The following SNAP91 variants were observed in gnomAD, a reference collection of about 807,000 sequenced individuals.
SNAP91 encodes clathrin coat assembly protein AP180.
In SNAP91, 27 loss-of-function variants were observed where a neutral mutation model predicts 100.3. That is an observed-to-expected ratio of 0.27 (90% CI 0.20 to 0.37). The LOEUF is 0.37. Ranked by LOEUF, SNAP91 falls within the 10% of genes least tolerant of loss-of-function variation. The pLI is 1.00. For missense variants in SNAP91, 986 were observed against 1,123.7 expected, an observed-to-expected ratio of 0.88 and a Z score of 1.75; for synonymous variants, 404 against 398.6, an observed-to-expected ratio of 1.01 and a Z score of -0.16.
chr6:83,592,433 TTGA>T lies in SNAP91; in HGVS notation c.1930+19_1930+21del, dbSNP rs767385041. The T allele has an allele frequency of 3.9e-6, 6 of 1,546,060 alleles. No individual in the cohort carries two copies. Among genetic ancestry groups the T allele is most frequent in the Non-Finnish European group, 5.3e-6 (6 of 1,128,112 alleles). On this transcript the variant is annotated intron_variant, in intron 21 of 29. Coordinates refer to ENST00000369694, the MANE Select transcript of SNAP91 (RefSeq NM_001242792.2). ...TGAAGAAAAAAAGATTCCTTAAGTG[TTGA>T]TGGAGGAGAAATACGCACCCCCAAA... is the stretch of plus-strand genomic sequence containing the variant.
chr6:83,656,560 C>T (rs767103212), intron 7 of SNAP91, among the ~76,000 whole-genome samples, 194 bp downstream of exon 7: 1 of 152,028 alleles, frequency 6.6e-6, no homozygotes, highest in African/African-American at 2.4e-5. Flanking sequence ...TGATTAGCAC[C>T]CAGTTACCCT....
intron 16 of SNAP91, among the ~76,000 whole-genome samples, chr6:83,597,655 T>TA (rs1348224033): frequency 6.6e-6 from 1 of 152,196 alleles, no homozygotes; most frequent in Non-Finnish European, 1.5e-5. Context: ...TCAAACTTTT[T>TA]ATCATATGAC....
At chr6:83,614,609 T>A (rs6905154) in intron 11 of SNAP91, among the ~76,000 whole-genome samples, 121,380 of 152,022 alleles carry the variant, frequency 0.8, 48,998 homozygotes, top group African/African-American at 0.91. Context: ...AGGAATATAT[T>A]AATATAAATA....
intron 24 of SNAP91, among the ~76,000 whole-genome samples, chr6:83,577,472 G>T (rs1820827165): frequency 6.6e-6 from 1 of 152,046 alleles, no homozygotes; most frequent in African/African-American, 2.4e-5. Context: ...ATGTGAAAAA[G>T]CAAAAGAAAG....
chr6:83,691,372 T>C (rs921194033), intron 2 of SNAP91, among the ~76,000 whole-genome samples: 14 of 152,180 alleles, frequency 9.2e-5, no homozygotes, highest in Non-Finnish European at 1.5e-4. Flanking sequence ...CTAAATTCTG[T>C]TATATGGTTC....
intron 26 of SNAP91, among the ~76,000 whole-genome samples, chr6:83,565,508 T>C (rs373706103): frequency 8.5e-5 from 13 of 152,182 alleles, no homozygotes; most frequent in Non-Finnish European, 1.8e-4. Flanking sequence ...CCCTGAGTGC[T>C]CCCATGTGTA....
chr6:83,620,617 C>T (rs1233238182), intron 9 of SNAP91, among the ~76,000 whole-genome samples: 36 of 152,158 alleles, frequency 2.4e-4, no homozygotes, highest in Admixed American at 2.4e-3. Flanking sequence ...CTATGTCACT[C>T]ACAACCCCAA....
At chr6:83,678,417 A>G (rs2098939793) in intron 2 of SNAP91, among the ~76,000 whole-genome samples, 1 of 152,138 alleles carries the variant, frequency 6.6e-6, no homozygotes, top group African/African-American at 2.4e-5. Flanking sequence ...ACTTCCTGGT[A>G]GAGTGCTCTC....
At position 83,704,030 on chromosome 6, in the gene SNAP91, C is replaced by T. The variant is rs558454446; in HGVS notation, c.130+3768G>A. On this transcript the variant is annotated intron_variant, in intron 2 of 29. Transcript: ENST00000369694. ...ACTCTATTTTATTGTTCAAGCTTGA[C>T]ACAATACTGGGTAGGTACTGGGTGC... Among the ~76,000 whole-genome samples, 9 of 152,282 alleles carry T rather than the reference C, an allele frequency of 5.9e-5. No individual in the cohort carries two copies. In the South Asian group the frequency reaches 1.9e-3, roughly 32 times the overall value.
At chr6:83,591,081 C>A (rs2093681748) in intron 22 of SNAP91, 130 bp downstream of exon 22, 1 of 626,098 alleles carries the variant, frequency 1.6e-6, no homozygotes, top group African/African-American at 1.8e-5. Context: ...ATACTTGTCC[C>A]CTCCCTCAAT....
intron 5 of SNAP91, 78 bp from the exon 6 acceptor site, chr6:83,659,170 T>C (rs750171167): frequency 9.2e-5 from 99 of 1,074,284 alleles, no homozygotes; most frequent in Middle Eastern, 2.0e-4. Flanking sequence ...TTCTAAGCTG[T>C]TCCCCCACAC....
intron 2 of SNAP91, among the ~76,000 whole-genome samples, chr6:83,700,419 T>C (rs2099276747): frequency 6.6e-6 from 1 of 151,964 alleles, no homozygotes; most frequent in Admixed American, 6.6e-5. Context: ...TGTTTATTAT[T>C]AGTAGTGGTA....
rs993703276 is a variant in SNAP91 at position 83,605,511 on chromosome 6, G to GTC, written c.1141+172_1141+173dup. On this transcript the variant is annotated intron_variant, in intron 14 of 29. Transcript: ENST00000369694. ...TCACTGTATTACAGGCACTTTCTCT[G>GTC]TCTCTCTCTCTCAATATATATTTCA... Among the ~76,000 whole-genome samples, 10 of 152,096 alleles carry GTC rather than the reference G, an allele frequency of 6.6e-5. No individual in the cohort carries two copies. The South Asian group carries it at 1.2e-3, about 19-fold the overall frequency.
At chr6:83,561,370 A>G (rs1050461392) in intron 26 of SNAP91, among the ~76,000 whole-genome samples, 6 of 152,370 alleles carry the variant, frequency 3.9e-5, no homozygotes, top group African/African-American at 1.2e-4. Flanking sequence ...TTAAAATGAC[A>G]GAATTTTAAA....
At chr6:83,590,750 A>G (rs1008228766) in intron 22 of SNAP91, among the ~76,000 whole-genome samples, 1 of 152,192 alleles carries the variant, frequency 6.6e-6, no homozygotes. Context: ...ACATAAGCAC[A>G]TTACCCTTTA....
chr6:83,682,918 T>TCCAAG (rs2099011760), intron 2 of SNAP91, among the ~76,000 whole-genome samples: 1 of 151,852 alleles, frequency 6.6e-6, no homozygotes, highest in African/African-American at 2.4e-5. Context: ...TCTCCATTTC[T>TCCAAG]TCACTCAAGA....
chr6:83,701,063 G>A (rs2099296308), intron 2 of SNAP91, among the ~76,000 whole-genome samples: 1 of 152,196 alleles, frequency 6.6e-6, no homozygotes, highest in South Asian at 2.1e-4. Flanking sequence ...TTAAAGAGGG[G>A]TACAGTTGTG....
intron 8 of SNAP91, among the ~76,000 whole-genome samples, chr6:83,628,043 T>C (rs948879178): frequency 6.6e-6 from 1 of 151,698 alleles, no homozygotes; most frequent in African/African-American, 2.4e-5. Context: ...AAGCCCATTG[T>C]GTCATTCTTA....
At chr6:83,575,691 T>C (rs1430812603) in intron 25 of SNAP91, 4 of 254,540 alleles carry the variant, frequency 1.6e-5, no homozygotes, top group Non-Finnish European at 2.9e-5. Flanking sequence ...GAAAGACTTT[T>C]TAAAATTCAT....
Sources: allele counts gnomAD v4.1 joint callset (sites outside exome capture counted in the v4.1 genomes callset), GRCh38; gene constraint gnomAD v4.1.1; transcripts MANE v1.5; gene names NCBI Gene and HGNC (gene_info 2026-07-23, HGNC 2026-07-21).